Variants in SBF2 observed in about 807,000 individuals in gnomAD.
SBF2 encodes the protein SET binding factor 2.
SBF2 carries 112 observed loss-of-function variants against 225.2 expected under a neutral mutation model. The observed-to-expected ratio is 0.50, with a 90% CI of 0.43 to 0.58. The LOEUF is 0.58. Ranked by LOEUF, SBF2 falls within the 20% of genes least tolerant of loss-of-function variation. SBF2 has a pLI of 0.00. For synonymous variants in SBF2, 763 were observed against 773.3 expected (o/e 0.99, Z 0.22); for missense variants, 1,996 against 2,206.2 (o/e 0.90, Z 1.91).
intron 2 of SBF2, among the ~76,000 whole-genome samples, chr11:10,125,763 T>C (rs1953719797): frequency 6.6e-6 from 1 of 152,222 alleles, no homozygotes; most frequent in South Asian, 2.1e-4. Flanking sequence ...GACACTATAC[T>C]GCATTTAGCA....
In SBF2 at chr11:9,989,492, C is replaced by T; in HGVS notation, c.1395+5G>A. 6.6e-7 allele frequency: 1 copy of T among 1,510,060 alleles called. No individual in the cohort carries two copies. Among genetic ancestry groups the T allele is most frequent in the South Asian group, 1.1e-5 (1 of 87,240 alleles). 93.5% of individuals were successfully genotyped at this position (1,510,060 alleles called of 1,614,324 possible). On this transcript the variant is annotated splice_donor_5th_base_variant and intron_variant, in intron 13 of 39. Transcript: ENST00000256190. ...ATGACTGTCTAAATAAATATACTTA[C>T]TTACATTTTTGAATAGTTGCTCAGC...
chr11:10,006,003 G>C (rs1948172299), intron 6 of SBF2, among the ~76,000 whole-genome samples: 1 of 152,110 alleles, frequency 6.6e-6, no homozygotes, highest in Admixed American at 6.5e-5. Flanking sequence ...CTAGACAAGA[G>C]GTTCATGAGA....
intron 2 of SBF2, among the ~76,000 whole-genome samples, chr11:10,175,111 CA>C (rs1956396263): frequency 6.6e-6 from 1 of 150,424 alleles, no homozygotes; most frequent in African/African-American, 2.4e-5. Context: ...AACTAATGAG[CA>C]AAATAACCAG....
At chr11:9,926,017 A>C (rs1864013060) in intron 16 of SBF2, among the ~76,000 whole-genome samples, 1 of 152,232 alleles carries the variant, frequency 6.6e-6, no homozygotes, top group Non-Finnish European at 1.5e-5. Context: ...TTGAACTTCA[A>C]AGGGTATCAA....
chr11:10,302,138 G>C (rs1339696595), intron 1 of SBF2, among the ~76,000 whole-genome samples: 1 of 152,156 alleles, frequency 6.6e-6, no homozygotes, highest in Non-Finnish European at 1.5e-5. Flanking sequence ...GCCAGGATCA[G>C]AACTCCCACT....
chr11:10,049,757 A>C (rs1210800325), intron 2 of SBF2, among the ~76,000 whole-genome samples: 1 of 152,238 alleles, frequency 6.6e-6, no homozygotes, highest in Non-Finnish European at 1.5e-5. Context: ...ATGGGTGTTA[A>C]CATGTAACTA....
At chr11:9,823,852 A>C (rs1248587819) in intron 28 of SBF2, among the ~76,000 whole-genome samples, 1 of 152,218 alleles carries the variant, frequency 6.6e-6, no homozygotes, top group Non-Finnish European at 1.5e-5. Flanking sequence ...CTCTTTGTCC[A>C]GTTTATCACT....
intron 1 of SBF2, among the ~76,000 whole-genome samples, chr11:10,243,337 G>T (rs1471670166): frequency 2.0e-5 from 3 of 151,656 alleles, no homozygotes. Flanking sequence ...TACTAAGATT[G>T]AAGTTTATAA....
intron 2 of SBF2, among the ~76,000 whole-genome samples, chr11:10,138,267 T>C (rs1954477160): frequency 6.6e-6 from 1 of 152,208 alleles, no homozygotes; most frequent in Admixed American, 6.5e-5. Flanking sequence ...CAAATTTACA[T>C]GCATAGAGTT....
intron 32 of SBF2, among the ~76,000 whole-genome samples, chr11:9,806,778 A>G (rs997085295): frequency 1.3e-5 from 2 of 152,182 alleles, no homozygotes; most frequent in African/African-American, 4.8e-5. Flanking sequence ...GCTCATGAGT[A>G]TGGAGTTTCT....
intron 1 of SBF2, among the ~76,000 whole-genome samples, chr11:10,264,746 C>A (rs757069873): frequency 5.7e-4 from 87 of 151,652 alleles, no homozygotes; most frequent in Non-Finnish European, 1.2e-3. Context: ...CCCCCCACCC[C>A]CCGACAGGCC....
intron 28 of SBF2, chr11:9,828,345 C>A: frequency 8.6e-7 from 1 of 1,169,218 alleles, no homozygotes; most frequent in Non-Finnish European, 1.1e-6. Context: ...TTTAAGTACC[C>A]AAAGCTTTAT....
At chr11:9,972,044 A>G (rs6483859) in intron 13 of SBF2, among the ~76,000 whole-genome samples, 16,980 of 152,180 alleles carry the variant, frequency 0.11, 1,076 homozygotes, top group Non-Finnish European at 0.13. Flanking sequence ...GTAGTATAAC[A>G]AAGTATTTTT....
intron 23 of SBF2, among the ~76,000 whole-genome samples, chr11:9,846,309 G>A (rs1222967868): frequency 6.6e-6 from 1 of 152,170 alleles, no homozygotes; most frequent in South Asian, 2.1e-4. Context: ...TCCTTGACTA[G>A]AAGGAAAGAG....
intron 2 of SBF2, among the ~76,000 whole-genome samples, chr11:10,070,434 G>A (rs1325731801): frequency 6.6e-6 from 1 of 152,074 alleles, no homozygotes; most frequent in East Asian, 1.9e-4. Context: ...CCCACTTCTT[G>A]TTTTTGCCAG....
chr11:9,926,805 TTCAAA>T (rs1864090579), intron 16 of SBF2, among the ~76,000 whole-genome samples: 1 of 152,056 alleles, frequency 6.6e-6, no homozygotes, highest in African/African-American at 2.4e-5. Flanking sequence ...GAAGAAAGGT[TTCAAA>T]TCAATCACAT....
intron 6 of SBF2, among the ~76,000 whole-genome samples, chr11:10,013,379 G>A (rs567511030): frequency 1.0e-3 from 152 of 152,268 alleles, no homozygotes; most frequent in African/African-American, 3.6e-3. Flanking sequence ...GACAAAGCTG[G>A]GATGTAGGGG....
chr11:9,910,888 T>C, intron 16 of SBF2, among the ~76,000 whole-genome samples: 1 of 29,176 alleles, frequency 3.4e-5, no homozygotes, highest in African/African-American at 2.0e-4. Flanking sequence ...TCTACTAAAA[T>C]ACAAAAAAAA....
intron 13 of SBF2, among the ~76,000 whole-genome samples, chr11:9,974,960 CAAAAAAAAAAAAAAA>C (rs1166081188): frequency 4.3e-5 from 1 of 23,270 alleles, no homozygotes; most frequent in East Asian, 2.0e-3. Context: ...AACTTTGACT[CAAAAAAAAAAAAAAA>C]AAAAAAAAAA....
Sources: allele counts gnomAD v4.1 joint callset (sites outside exome capture counted in the v4.1 genomes callset), GRCh38; gene constraint gnomAD v4.1.1; transcripts MANE v1.5; gene names NCBI Gene and HGNC (gene_info 2026-07-23, HGNC 2026-07-21).